The following GPC3 variants were observed in gnomAD, a reference collection of about 807,000 sequenced individuals.
GPC3 encodes the protein glypican 3.
In GPC3, 3 loss-of-function variants were observed where a neutral mutation model predicts 34.4. That is an observed-to-expected ratio of 0.09 (90% confidence interval 0.04 to 0.23). The LOEUF (loss-of-function observed/expected upper bound fraction) is 0.23. Ranked by LOEUF, GPC3 falls within the 10% of genes least tolerant of loss-of-function variation. The pLI is 1.00. For synonymous variants in GPC3, 177 were observed against 174.0 expected (o/e 1.02, Z -0.13); for missense variants, 351 against 445.6 (o/e 0.79, Z 1.91).
At chrX:133,819,760 A>C (rs1173829918) in intron 2 of GPC3, among the ~76,000 whole-genome samples, 2 of 111,885 alleles carry the variant, frequency 1.8e-5, no homozygotes, top group Non-Finnish European at 3.8e-5. Context: ...GCTAAGTGAC[A>C]AGTGTGCTAT....
At chrX:133,964,390 A>G (rs931275200) in intron 1 of GPC3, among the ~76,000 whole-genome samples, 1 of 112,019 alleles carries the variant, frequency 8.9e-6, no homozygotes, top group Non-Finnish European at 1.9e-5. Flanking sequence ...CAGATCCTGC[A>G]AAAAGGTTTT....
chrX:133,627,952 ACTCCCTGTTTG>A (rs2070323747), intron 6 of GPC3, among the ~76,000 whole-genome samples: 1 of 111,750 alleles, frequency 8.9e-6, no homozygotes, highest in Admixed American at 9.5e-5. Context: ...CGCTTACAAG[ACTCCCTGTTTG>A]CACTATTGTT....
chrX:133,940,411 C>A (rs1385767337), intron 2 of GPC3, among the ~76,000 whole-genome samples: 1 of 111,817 alleles, frequency 8.9e-6, no homozygotes, highest in Non-Finnish European at 1.9e-5. Flanking sequence ...CTTAATGCTG[C>A]CACTTGCTGG....
intron 2 of GPC3, among the ~76,000 whole-genome samples, chrX:133,785,417 C>T (rs1055228064): frequency 9.0e-6 from 1 of 111,335 alleles, no homozygotes; most frequent in Admixed American, 9.6e-5. Flanking sequence ...AGTTTCTCGC[C>T]TGTAAAAGGG....
intron 7 of GPC3, among the ~76,000 whole-genome samples, chrX:133,547,498 G>A (rs1333470566): frequency 3.6e-5 from 4 of 111,092 alleles, no homozygotes; most frequent in Admixed American, 1.9e-4. Context: ...AATGGTACTC[G>A]TCTGTGCTTT....
intron 7 of GPC3, among the ~76,000 whole-genome samples, chrX:133,554,101 C>T (rs1166929229): frequency 9.3e-6 from 1 of 107,819 alleles, no homozygotes; most frequent in Non-Finnish European, 1.9e-5. Context: ...GCAACCTCCA[C>T]CTCCCAGGTT....
chrX:133,567,803 C>T (rs1015420055), intron 7 of GPC3, among the ~76,000 whole-genome samples: 1 of 112,077 alleles, frequency 8.9e-6, no homozygotes, highest in African/African-American at 3.2e-5. Flanking sequence ...ACATGCTTTC[C>T]TCTTGACTTT....
At chrX:133,717,203 C>G (rs2071322752) in intron 3 of GPC3, among the ~76,000 whole-genome samples, 1 of 110,396 alleles carries the variant, frequency 9.1e-6, no homozygotes, top group Non-Finnish European at 1.9e-5. Context: ...ATCAAGTGAT[C>G]TGCCCACCTC....
chrX:133,937,504 G>C (rs370868756), intron 2 of GPC3, among the ~76,000 whole-genome samples: 1 of 110,344 alleles, frequency 9.1e-6, no homozygotes, highest in African/African-American at 3.3e-5. Flanking sequence ...ACTGTAGAGA[G>C]CATGCACACT....
chrX:133,850,120 T>C (rs1406116768), intron 2 of GPC3, among the ~76,000 whole-genome samples: 1 of 110,519 alleles, frequency 9.0e-6, no homozygotes, highest in Non-Finnish European at 1.9e-5. Flanking sequence ...GATACTAAAA[T>C]TCTGTTCATT....
At position 133,871,831 on chromosome X, in the gene GPC3, G is replaced by A. The variant is rs562222301; in HGVS notation, c.337+81219C>T. Among the ~76,000 whole-genome samples, 11 of 112,122 alleles carry A rather than the reference G, an allele frequency of 9.8e-5. 1 individual carries two copies. In the South Asian group the frequency reaches 2.2e-3, roughly 23 times the overall value. ...GCCAACACATTTAGTTCCTTCCAAA[G>A]GGATCCACAAGGATGAAAAGTAAGA... On this transcript the variant is annotated intron_variant, in intron 2 of 7. Transcript: ENST00000370818.
chrX:133,893,118 G>A (rs924104290), intron 2 of GPC3, among the ~76,000 whole-genome samples: 1 of 110,964 alleles, frequency 9.0e-6, no homozygotes, highest in African/African-American at 3.3e-5. Flanking sequence ...TTAGCCAGAC[G>A]TAGTGGCGGG....
At position 133,612,444 on chromosome X, in the gene GPC3, G is replaced by T. The variant is rs150254571; in HGVS notation, c.1414-15845C>A. Among the ~76,000 whole-genome samples, 204 of 111,636 alleles carry T rather than the reference G, an allele frequency of 1.8e-3. 1 individual carries two copies. The highest frequency in any genetic ancestry group is 6.4e-3 in the African/African-American group (196 of 30,739). On this transcript the variant is annotated intron_variant, in intron 6 of 7. Transcript: ENST00000370818. The stretch of plus-strand genomic sequence containing the variant: ...CGCACCCCTCTCTCCCTCTCTCTCC[G>T]TCCTTGTAATTTACAGCACTTCTCA...
chrX:133,796,943 C>T (rs758164999), intron 2 of GPC3, among the ~76,000 whole-genome samples: 6 of 111,460 alleles, frequency 5.4e-5, no homozygotes, highest in Non-Finnish European at 1.1e-4. Context: ...AGCATCAAGT[C>T]ACCCCTCAAC....
At chrX:133,578,628 G>A (rs2069707159) in intron 7 of GPC3, among the ~76,000 whole-genome samples, 2 of 112,320 alleles carry the variant, frequency 1.8e-5, no homozygotes, top group African/African-American at 3.2e-5. Context: ...GAAGTGAGCC[G>A]TGATTGTGCC....
intron 2 of GPC3, among the ~76,000 whole-genome samples, chrX:133,775,786 C>T (rs141442967): frequency 0.013 from 1,479 of 111,650 alleles, 25 homozygotes; most frequent in African/African-American, 0.045. Context: ...GAAGAAGACA[C>T]CTCTGGCCAT....
intron 5 of GPC3, among the ~76,000 whole-genome samples, chrX:133,684,738 C>A (rs951259887): frequency 5.4e-5 from 6 of 111,358 alleles, no homozygotes; most frequent in South Asian, 3.7e-4. Context: ...ACAACAACAA[C>A]AAATAATAAC....
rs564238916 is a variant in GPC3, at chrX:133,843,149, T to C, written c.338-88973A>G. 5.4e-5 allele frequency among the ~76,000 whole-genome samples: 6 copies of C among 111,788 alleles called. No individual in the cohort carries two copies. In the South Asian group the frequency reaches 2.3e-3, roughly 43 times the overall value. On this transcript the variant is annotated intron_variant, in intron 2 of 7. Transcript: ENST00000370818. ...TTCCAGCCCCAAACAAGCCTTCAGA[T>C]GACTGCAGCCCCAGCCAACATTAGA...
chrX:133,798,015 G>A (rs1029955877), intron 2 of GPC3, among the ~76,000 whole-genome samples: 5 of 111,594 alleles, frequency 4.5e-5, no homozygotes, highest in African/African-American at 1.6e-4. Context: ...TTTCTCAACA[G>A]TGCAAGTTTG....
Sources: allele counts gnomAD v4.1 joint callset (sites outside exome capture counted in the v4.1 genomes callset), GRCh38; gene constraint gnomAD v4.1.1; transcripts MANE v1.5; gene names NCBI Gene and HGNC (gene_info 2026-07-23, HGNC 2026-07-21).